LRRC66: variants seen among roughly 807,000 people sequenced by gnomAD.
The protein encoded by LRRC66 is leucine-rich repeat-containing protein 66.
In LRRC66, 29 loss-of-function variants were observed where a neutral mutation model predicts 24.6. The observed-to-expected ratio is 1.18, with a 90% CI of 0.88 to 1.61. The LOEUF is 1.61. LRRC66 is among the 40% of genes most tolerant of loss of function. LRRC66 has a pLI of 0.00. For missense variants in LRRC66, 1,124 were observed against 1,058.0 expected (o/e 1.06, Z -0.87); for synonymous variants, 411 against 397.6 (o/e 1.03, Z -0.40).
In LRRC66 at chr4:51,995,243, T is replaced by C. The variant is rs1261515312; in HGVS notation, c.1779A>G (p.Thr593=). The change falls in exon 5 of 5, where the codon ACA becomes ACG. Residue 593 remains threonine, a synonymous_variant. Coordinates refer to ENST00000682860, the MANE Select transcript of LRRC66 (RefSeq NM_001024611.3). The part of the protein sequence containing the change: ...EITASLCKML[T]HAEAQRTGDS... Reference sequence around the variant, plus strand: ...CTCCAGTCCTCTGTGCTTCTGCATGTGTTAGCATTTTACAGAGGGAAGCTG... The same window carrying C: ...CTCCAGTCCTCTGTGCTTCTGCATGCGTTAGCATTTTACAGAGGGAAGCTG... 6.2e-7 allele frequency: 1 copy of C among 1,614,140 alleles called. No homozygotes were observed. Among genetic ancestry groups the C allele is most frequent in the East Asian group, 2.2e-5 (1 of 44,862 alleles).
rs1176452191 is a variant in LRRC66, at chr4:51,994,140, T to C, written c.*239A>G. On this transcript the variant is annotated 3_prime_UTR_variant, in exon 5 of 5. Coordinates refer to ENST00000682860, the MANE Select transcript of LRRC66 (RefSeq NM_001024611.3). ...TCTCAAAATATTCCCCTCTTTCTCT[T>C]TCACACTGAAGAGCAGGTTCATCCC... The C allele has an allele frequency of 2.2e-6, 1 of 462,562 alleles. No individual in the cohort carries two copies. The highest frequency in any genetic ancestry group is 3.9e-5 in the Admixed American group (1 of 25,714). The allele number at this position is 462,562 out of a possible 1,614,324, so 28.7% of individuals were successfully genotyped here.
rs755573156 is a variant in LRRC66, at chr4:51,995,694, C to A, written c.1328G>T (p.Arg443Leu). 5.0e-6 allele frequency: 8 copies of A among 1,614,096 alleles called. No individual in the cohort carries two copies. In the Admixed American group the frequency reaches 5.0e-5, roughly 10 times the overall value. ...GHTPHPETHL[R>L]QVFPHLSLYE... ...GAGGCTTAGATGAGGAAATACTTGG[C>A]GCAGATGGGTCTCTGGGTGTGGTGT... The change falls in exon 5 of 5, where the codon CGC (arginine) becomes CTC (leucine). Residue 443 changes from arginine (R) to leucine (L), a missense_variant. By Grantham distance (102) the Arg-to-Leu change is moderately radical. Transcript: ENST00000682860.
chr4:52,004,194 A>G (rs545377817), intron 2 of LRRC66, among the ~76,000 whole-genome samples: 1 of 152,220 alleles, frequency 6.6e-6, no homozygotes, highest in East Asian at 1.9e-4. Context: ...TTTTTAGTAG[A>G]GACGGGGTTT....
rs751336799 is a variant in LRRC66, at chr4:51,995,574, C to G, written c.1448G>C (p.Gly483Ala). 3 of 1,614,138 alleles carry G rather than the reference C, an allele frequency of 1.9e-6. No individual in the cohort carries two copies. The South Asian group carries it at 3.3e-5, about 18-fold the overall frequency. The stretch of plus-strand genomic sequence containing the variant: ...GCACTGTCCTGGGCTCTGCGAACTG[C>G]CAGGATCCTTTCTGCTCCTTCCCAG... ...RTLGRSRKDP[G>A]SSQSPGQCGD... Residue 483 changes from glycine to alanine, a missense_variant, in exon 5 of 5, where the codon GGC (glycine) becomes GCC (alanine). By Grantham distance (60) the Gly-to-Ala change is moderately conservative (BLOSUM62 0). Coordinates refer to ENST00000682860, the MANE Select transcript of LRRC66 (RefSeq NM_001024611.3).
chr4:52,002,355 G>A (rs1736472874), intron 3 of LRRC66, among the ~76,000 whole-genome samples: 3 of 152,224 alleles, frequency 2.0e-5, no homozygotes, highest in Admixed American at 2.0e-4. Flanking sequence ...AGTTGTCGTG[G>A]AGGTTATGGA....
chr4:52,007,171 T>C lies in LRRC66; in HGVS notation c.497-3779A>G, dbSNP rs115181655. Among the ~76,000 whole-genome samples the C allele has an allele frequency of 4.4e-3, 664 of 152,200 alleles. 6 individuals carry two copies. The highest frequency in any genetic ancestry group is 0.015 in the African/African-American group (607 of 41,530). On this transcript the variant is annotated intron_variant, in intron 2 of 4. Coordinates refer to ENST00000682860, the MANE Select transcript of LRRC66 (RefSeq NM_001024611.3). ...TTAAGAGACTGAGGTTTATTCCACC[T>C]TTATCTGTGACTTTTTGTTTTGTTT...
rs988309288 is a variant in LRRC66 at position 52,018,235 on chromosome 4, G to A, written c.-5-617C>T. ...CAACATAATGTGTTATCAAATACAT[G>A]TTCTGGCTCCAAGCCATGAAGATGT... On this transcript the variant is annotated intron_variant, in intron 1 of 4. Coordinates refer to ENST00000682860, the MANE Select transcript of LRRC66 (RefSeq NM_001024611.3). 4.1e-6 allele frequency: 4 copies of A among 985,090 alleles called. No homozygotes were observed. In the African/African-American group the frequency reaches 5.2e-5, roughly 13 times the overall value. The allele number at this position is 985,090 out of a possible 1,614,324, so 61.0% of individuals were successfully genotyped here.
chr4:52,014,466 A>AT (rs893575336), intron 2 of LRRC66, among the ~76,000 whole-genome samples: 8 of 152,130 alleles, frequency 5.3e-5, no homozygotes, highest in Non-Finnish European at 1.2e-4. Context: ...TTTGAGATAC[A>AT]TTTTTTCATT....
chr4:52,018,698 G>A, intron 1 of LRRC66: 4 of 666,514 alleles, frequency 6.0e-6, no homozygotes, highest in Non-Finnish European at 7.4e-6. Context: ...ATTGCCTATA[G>A]TCCAAATCCC....
rs781209938 is a variant in LRRC66, at chr4:51,996,052, G to T, written c.970C>A (p.Pro324Thr). ...KSLIRSKAERPQGGRHTGIST... is the reference protein window; with the variant it reads ...KSLIRSKAERTQGGRHTGIST... The stretch of plus-strand genomic sequence containing the variant: ...ATGCCCGTGTGCCTTCCTCCCTGGG[G>T]CCTCTCTGCTTTGCTCCTTATGAGG... The change falls in exon 5 of 5, where the codon CCC becomes ACC. Residue 324 changes from proline (P) to threonine (T), a missense_variant. By Grantham distance (38) the Pro-to-Thr change is conservative. Transcript: ENST00000682860. The T allele has an allele frequency of 1.9e-6, 3 of 1,614,004 alleles. No homozygotes were observed. In the East Asian group the frequency reaches 6.7e-5, roughly 36 times the overall value.
In LRRC66 at chr4:52,017,598, A is replaced by C. The variant is rs1371672755; in HGVS notation, c.16T>G (p.Phe6Val). The change falls in exon 2 of 5, where the codon TTC (phenylalanine) becomes GTC (valine). Residue 6 changes from phenylalanine (F) to valine (V), a missense_variant. Phe to Val is a conservative substitution (Grantham distance 50, BLOSUM62 -1). Transcript: ENST00000682860. ...CCTATAACTATGGTAATGACTCTGAAATAGAGGTTTTTCATAATGCCTGGA... is the reference window on the plus strand; with the variant it reads ...CCTATAACTATGGTAATGACTCTGACATAGAGGTTTTTCATAATGCCTGGA... MKNLY[F>V]RVITIVIGLY... 5.1e-6 allele frequency: 8 copies of C among 1,561,386 alleles called. No homozygotes were observed. In the Admixed American group the frequency reaches 1.6e-4, roughly 32 times the overall value.
At chr4:51,997,649 T>C (rs1736353551) in intron 4 of LRRC66, 99 bp downstream of exon 4, 5 of 1,087,464 alleles carry the variant, frequency 4.6e-6, no homozygotes, top group Non-Finnish European at 6.8e-6. Flanking sequence ...TCAGCACTTT[T>C]GCTTTCATGG....
rs200129477 is a variant in LRRC66, at chr4:51,994,588, T to A, written c.2434A>T (p.Ser812Cys). 2.6e-5 allele frequency: 42 copies of A among 1,614,088 alleles called. No individual in the cohort carries two copies. In the African/African-American group the frequency reaches 5.3e-4, roughly 21 times the overall value. Residue 812 changes from serine to cysteine, a missense_variant, in exon 5 of 5, where the codon AGT (serine) becomes TGT (cysteine). By Grantham distance (112) the Ser-to-Cys change is moderately radical. Coordinates refer to ENST00000682860, the MANE Select transcript of LRRC66 (RefSeq NM_001024611.3). ...LSPWPRSPGNSPLGDEFPGMF... is the reference protein window; with the variant it reads ...LSPWPRSPGNCPLGDEFPGMF... Reference sequence around the variant, plus strand: ...CCCGGAAACTCATCCCCTAAGGGACTATTCCCTGGTGACCTGGGCCAGGGT... The same window carrying A: ...CCCGGAAACTCATCCCCTAAGGGACAATTCCCTGGTGACCTGGGCCAGGGT...
chr4:51,994,676 G>C lies in LRRC66; in HGVS notation c.2346C>G (p.Asp782Glu), dbSNP rs759624600. Residue 782 changes from aspartate to glutamate, a missense_variant, in exon 5 of 5, where the codon GAC becomes GAG. By Grantham distance (45) the Asp-to-Glu change is conservative. Coordinates refer to ENST00000682860, the MANE Select transcript of LRRC66 (RefSeq NM_001024611.3). The stretch of plus-strand genomic sequence containing the variant: ...CCAGATGAGTCTTGTACATGCCAGA[G>C]TCTGGAGCAGAAATGAGAGGTTTTT... The part of the protein sequence containing the change: ...PFEKPLISAP[D>E]SGMYKTHLEN... The C allele has an allele frequency of 6.2e-7, 1 of 1,614,204 alleles. No homozygotes were observed. The highest frequency in any genetic ancestry group is 2.2e-5 in the East Asian group (1 of 44,860).
intron 3 of LRRC66, among the ~76,000 whole-genome samples, chr4:52,002,285 G>T (rs1428863864): frequency 6.6e-6 from 1 of 152,164 alleles, no homozygotes; most frequent in African/African-American, 2.4e-5. Context: ...ATCTAAAATT[G>T]CATGTGCGGC....
chr4:52,020,022 T>C (rs1168511575), intron 1 of LRRC66, among the ~76,000 whole-genome samples: 3 of 152,064 alleles, frequency 2.0e-5, no homozygotes, highest in Non-Finnish European at 4.4e-5. Flanking sequence ...CAGAAAAAGT[T>C]GCTTAGAAAA....
chr4:51,999,211 A>C (rs1179354990), intron 3 of LRRC66, among the ~76,000 whole-genome samples: 3 of 152,228 alleles, frequency 2.0e-5, no homozygotes, highest in Non-Finnish European at 4.4e-5. Context: ...GCTTTCAAAA[A>C]AGAGGATGAT....
At chr4:51,999,968 C>A (rs1055711981) in intron 3 of LRRC66, among the ~76,000 whole-genome samples, 1 of 152,170 alleles carries the variant, frequency 6.6e-6, no homozygotes, top group Non-Finnish European at 1.5e-5. Flanking sequence ...TTTGAAAAAT[C>A]TATCTGGCTT....
chr4:52,001,825 C>A (rs1217101238), intron 3 of LRRC66, among the ~76,000 whole-genome samples: 1 of 152,174 alleles, frequency 6.6e-6, no homozygotes, highest in African/African-American at 2.4e-5. Flanking sequence ...GCTTATCTTG[C>A]AGCTATGCCT....
Sources: gnomAD v4.1 joint callset for allele counts (sites outside exome capture counted in the v4.1 genomes callset) on GRCh38, gnomAD v4.1.1 for gene constraint, MANE v1.5 for transcripts, NCBI Gene and HGNC (gene_info 2026-07-23, HGNC 2026-07-21) for gene names.